PAM: variants seen among roughly 807,000 people sequenced by gnomAD.
PAM encodes peptidyl-glycine alpha-amidating monooxygenase.
A neutral mutation model predicts 122.1 loss-of-function variants in PAM; 72 were observed. The observed-to-expected ratio is 0.59, with a 90% confidence interval of 0.49 to 0.72. PAM has a LOEUF of 0.72. Among genes scored for constraint, PAM ranks in the 30% least tolerant of loss-of-function variants. The pLI, the probability that PAM is intolerant of heterozygous loss-of-function variation, is 0.00. For synonymous variants in PAM, 389 were observed against 404.4 expected (o/e 0.96, Z 0.46); for missense variants, 1,106 against 1,183.7 (o/e 0.93, Z 0.96).
intron 5 of PAM, among the ~76,000 whole-genome samples, chr5:102,919,807 A>G (rs1364754092): frequency 2.0e-5 from 3 of 152,072 alleles, no homozygotes; most frequent in African/African-American, 7.2e-5. Context: ...CCAGTCACCA[A>G]TTTGGTGAGT....
chr5:102,830,110 G>A (rs770921078), intron 1 of PAM, among the ~76,000 whole-genome samples: 1 of 152,172 alleles, frequency 6.6e-6, no homozygotes, highest in Non-Finnish European at 1.5e-5. Context: ...GCACTGGTGT[G>A]ACAACTGGTT....
At chr5:102,838,835 A>G (rs2150540701) in intron 1 of PAM, among the ~76,000 whole-genome samples, 1 of 152,230 alleles carries the variant, frequency 6.6e-6, no homozygotes. Flanking sequence ...CTGGTTTTTC[A>G]CCTTTAAATA....
intron 15 of PAM, among the ~76,000 whole-genome samples, chr5:102,985,637 C>T (rs1415024361): frequency 6.6e-6 from 1 of 151,934 alleles, no homozygotes; most frequent in African/African-American, 2.4e-5. Context: ...AAGCCCAGGA[C>T]CAGATGGTAC....
chr5:102,835,079 C>G (rs1776603849), intron 1 of PAM, among the ~76,000 whole-genome samples: 1 of 152,092 alleles, frequency 6.6e-6, no homozygotes, highest in African/African-American at 2.4e-5. Flanking sequence ...TTACATGTTT[C>G]ACAATTTTTA....
At chr5:102,762,247 G>A (rs1161582947) in intron 1 of PAM, among the ~76,000 whole-genome samples, 6 of 152,042 alleles carry the variant, frequency 3.9e-5, no homozygotes, top group Non-Finnish European at 8.8e-5. Flanking sequence ...TGTGCTTCAG[G>A]CTTGTCTTGC....
intron 14 of PAM, among the ~76,000 whole-genome samples, chr5:102,966,937 T>A (rs975687072): frequency 5.3e-5 from 8 of 152,178 alleles, no homozygotes; most frequent in African/African-American, 1.9e-4. Context: ...TGATCATTTT[T>A]AAAAAATAAT....
At chr5:102,907,458 A>G (rs1456675085) in intron 4 of PAM, among the ~76,000 whole-genome samples, 1 of 151,446 alleles carries the variant, frequency 6.6e-6, no homozygotes, top group Admixed American at 6.6e-5. Flanking sequence ...TTATAGCAGC[A>G]TGATTTATAG....
chr5:102,928,545 T>G (rs1032890269), intron 7 of PAM, among the ~76,000 whole-genome samples: 1 of 152,130 alleles, frequency 6.6e-6, no homozygotes, highest in Non-Finnish European at 1.5e-5. Context: ...GTAATATTAT[T>G]AAAATGTAAG....
At chr5:102,795,213 GA>G (rs1385469058) in intron 1 of PAM, among the ~76,000 whole-genome samples, 22 of 82,888 alleles carry the variant, frequency 2.7e-4, no homozygotes, top group East Asian at 1.1e-3. Context: ...AAAAAAAAAA[GA>G]AGAGAAGAAA....
intron 7 of PAM, among the ~76,000 whole-genome samples, chr5:102,933,855 A>C (rs1752375917): frequency 6.6e-6 from 1 of 152,156 alleles, no homozygotes. Context: ...TTCCACTATA[A>C]AGCAGGTTGT....
chr5:102,937,527 A>G (rs1753671154), intron 7 of PAM, among the ~76,000 whole-genome samples: 1 of 152,152 alleles, frequency 6.6e-6, no homozygotes, highest in African/African-American at 2.4e-5. Context: ...TTCTGAAAAG[A>G]AAAGGAGTAA....
At chr5:103,012,436 T>C (rs1780882652) in intron 21 of PAM, among the ~76,000 whole-genome samples, 1 of 152,174 alleles carries the variant, frequency 6.6e-6, no homozygotes, top group Non-Finnish European at 1.5e-5. Context: ...GACTTGATTT[T>C]TGTGTAAAGT....
intron 17 of PAM, among the ~76,000 whole-genome samples, chr5:103,004,610 T>A (rs1334656122): frequency 6.6e-6 from 1 of 152,232 alleles, no homozygotes; most frequent in East Asian, 1.9e-4. Flanking sequence ...AATGTTTATC[T>A]AGCTCACTAT....
intron 1 of PAM, among the ~76,000 whole-genome samples, chr5:102,828,386 G>C (rs1161851385): frequency 6.6e-6 from 1 of 151,854 alleles, no homozygotes; most frequent in Non-Finnish European, 1.5e-5. Context: ...TATTCTTCTT[G>C]GATATACTAT....
At chr5:102,885,083 A>C (rs768003322) in intron 3 of PAM, among the ~76,000 whole-genome samples, 3 of 149,590 alleles carry the variant, frequency 2.0e-5, no homozygotes, top group Non-Finnish European at 3.0e-5. Flanking sequence ...TTTAATAACT[A>C]TATATATATA....
At chr5:102,821,290 T>C (rs977379981) in intron 1 of PAM, among the ~76,000 whole-genome samples, 6 of 152,144 alleles carry the variant, frequency 3.9e-5, no homozygotes, top group African/African-American at 1.2e-4. Context: ...ATAATTTTGA[T>C]ATGAAGGATT....
intron 1 of PAM, among the ~76,000 whole-genome samples, chr5:102,775,170 A>T (rs906863941): frequency 6.6e-6 from 1 of 152,152 alleles, no homozygotes; most frequent in Admixed American, 6.5e-5. Context: ...CTTTTATTGT[A>T]CTTTAGATAA....
At chr5:102,969,851 T>G (rs1176181589) in intron 14 of PAM, among the ~76,000 whole-genome samples, 1 of 152,114 alleles carries the variant, frequency 6.6e-6, no homozygotes, top group Non-Finnish European at 1.5e-5. Flanking sequence ...AGCTTAAGTT[T>G]TGTAAGTGAC....
intron 14 of PAM, 94 bp downstream of exon 14, chr5:102,961,323 T>G (rs1282405270): frequency 1.4e-6 from 1 of 722,360 alleles, no homozygotes. Context: ...TGTATGTCTC[T>G]CTGTATCTGC....
Sources: allele counts gnomAD v4.1 joint callset (sites outside exome capture counted in the v4.1 genomes callset), GRCh38; gene constraint gnomAD v4.1.1; transcripts MANE v1.5; gene names NCBI Gene and HGNC (gene_info 2026-07-23, HGNC 2026-07-21).